Variants in HDAC9 observed in about 807,000 individuals in gnomAD.
HDAC9 encodes the protein MEF-2 interacting transcription repressor (MITR) protein.
A neutral mutation model predicts 139.4 loss-of-function variants in HDAC9; 41 were observed. The observed-to-expected ratio is 0.29, with a 90% CI of 0.23 to 0.38. HDAC9 has a LOEUF of 0.38. Ranked by LOEUF, HDAC9 falls within the 10% of genes least tolerant of loss-of-function variation. The pLI is 1.00. For missense variants in HDAC9, 1,147 were observed against 1,297.0 expected (o/e 0.88, Z 1.78); for synonymous variants, 517 against 476.2 (o/e 1.09, Z -1.12).
intron 1 of HDAC9, among the ~76,000 whole-genome samples, chr7:18,485,468 A>AT (rs961655363): frequency 4.0e-5 from 6 of 149,782 alleles, no homozygotes; most frequent in African/African-American, 1.5e-4. Context: ...ATATATATTT[A>AT]TTTTTTCTTT....
intron 23 of HDAC9, among the ~76,000 whole-genome samples, chr7:18,942,656 C>G (rs1056398142): frequency 2.0e-5 from 3 of 152,030 alleles, no homozygotes; most frequent in Non-Finnish European, 4.4e-5. Context: ...AAATTATACT[C>G]TAACCACAAT....
intron 1 of HDAC9, among the ~76,000 whole-genome samples, chr7:18,137,668 G>T (rs1017197829): frequency 8.0e-4 from 121 of 151,182 alleles, no homozygotes; most frequent in Admixed American, 1.7e-3. Context: ...CTTGATCATG[G>T]TGGATAAGCT....
intron 1 of HDAC9, among the ~76,000 whole-genome samples, chr7:18,130,378 C>T (rs775740029): frequency 2.6e-5 from 4 of 152,206 alleles, no homozygotes; most frequent in African/African-American, 4.8e-5. Context: ...GCATGAGGGA[C>T]GGTGATGCTG....
chr7:18,246,472 A>G (rs550087394), intron 2 of HDAC9, among the ~76,000 whole-genome samples: 1 of 152,104 alleles, frequency 6.6e-6, no homozygotes, highest in South Asian at 2.1e-4. Flanking sequence ...CATTTTTATC[A>G]CCCCAAAGGA....
chr7:18,970,942 G>C (rs1419424198), intron 24 of HDAC9, among the ~76,000 whole-genome samples: 1 of 152,128 alleles, frequency 6.6e-6, no homozygotes, highest in Non-Finnish European at 1.5e-5. Flanking sequence ...TGGTAGATAG[G>C]TGACTTGTGT....
intron 2 of HDAC9, among the ~76,000 whole-genome samples, chr7:18,170,594 T>C (rs1188306791): frequency 2.0e-5 from 3 of 152,202 alleles, no homozygotes; most frequent in Non-Finnish European, 4.4e-5. Flanking sequence ...AACATTTAAG[T>C]CTTTAATCCA....
At chr7:18,699,770 T>A (rs212668) in intron 12 of HDAC9, among the ~76,000 whole-genome samples, 1 of 152,104 alleles carries the variant, frequency 6.6e-6, no homozygotes, top group Non-Finnish European at 1.5e-5. Flanking sequence ...GTATTTTATA[T>A]GCATTTTAAT....
At position 19,001,394 on chromosome 7, in the gene HDAC9, G is replaced by C. The variant is rs1419420798; in HGVS notation, c.*5332G>C. ...TGCAATATTAAATATAATAGGGAGA[G>C]TTCACTGTTTCCTGGGACATTGTGG... On this transcript the variant is annotated 3_prime_UTR_variant, in exon 26 of 26. Coordinates refer to ENST00000686413, the MANE Select transcript of HDAC9 (RefSeq NM_178425.4). The C allele has an allele frequency of 1.3e-5, 2 of 152,036 alleles. No homozygotes were observed. Among genetic ancestry groups the C allele is most frequent in the Non-Finnish European group, 2.9e-5 (2 of 67,962 alleles). The allele number at this position is 152,036 out of a possible 1,614,324, so 9.4% of individuals were successfully genotyped here.
At chr7:18,581,693 A>G (rs1014171758) in intron 2 of HDAC9, among the ~76,000 whole-genome samples, 3 of 152,150 alleles carry the variant, frequency 2.0e-5, no homozygotes, top group Admixed American at 6.5e-5. Context: ...GAAATATATC[A>G]TTAACTGCCA....
At chr7:18,562,275 T>C (rs916822036) in intron 2 of HDAC9, among the ~76,000 whole-genome samples, 1 of 152,194 alleles carries the variant, frequency 6.6e-6, no homozygotes, top group Non-Finnish European at 1.5e-5. Flanking sequence ...ATTCTGTGGA[T>C]TGATGGTATT....
At chr7:18,345,850 G>A (rs866024360) in intron 1 of HDAC9, among the ~76,000 whole-genome samples, 1 of 151,680 alleles carries the variant, frequency 6.6e-6, no homozygotes, top group African/African-American at 2.4e-5. Context: ...TACTCCCCCT[G>A]CTGGCCTCTG....
intron 1 of HDAC9, among the ~76,000 whole-genome samples, chr7:18,135,572 G>A (rs905777732): frequency 1.5e-5 from 2 of 130,770 alleles, no homozygotes; most frequent in African/African-American, 6.1e-5. Flanking sequence ...TTGTTCTTGC[G>A]ATAGTTTACT....
At chr7:18,196,412 A>G (rs1433010747) in intron 2 of HDAC9, among the ~76,000 whole-genome samples, 3 of 152,192 alleles carry the variant, frequency 2.0e-5, no homozygotes, top group Non-Finnish European at 4.4e-5. Context: ...ACCTGGGCAA[A>G]TGGATGAGAT....
chr7:18,420,588 C>G (rs1022711339), intron 1 of HDAC9, among the ~76,000 whole-genome samples: 14 of 152,170 alleles, frequency 9.2e-5, no homozygotes, highest in Non-Finnish European at 1.6e-4. Flanking sequence ...TGAAAGCATA[C>G]ATTCATTTAC....
chr7:18,435,680 A>G (rs1024710934), intron 1 of HDAC9, among the ~76,000 whole-genome samples: 1 of 151,300 alleles, frequency 6.6e-6, no homozygotes, highest in Non-Finnish European at 1.5e-5. Context: ...TGTACAGATT[A>G]TTTAGAATCA....
intron 21 of HDAC9, among the ~76,000 whole-genome samples, chr7:18,868,197 C>T (rs1197159644): frequency 6.6e-6 from 1 of 152,014 alleles, no homozygotes; most frequent in African/African-American, 2.4e-5. Context: ...TAGCTAGTAC[C>T]AGCTTTCCCT....
chr7:18,841,220 C>G (rs1796560986), intron 21 of HDAC9, among the ~76,000 whole-genome samples: 1 of 151,926 alleles, frequency 6.6e-6, no homozygotes, highest in Non-Finnish European at 1.5e-5. Flanking sequence ...TTTCTAAATT[C>G]TATTTAAGAG....
chr7:18,102,457 A>G (rs1782913228), intron 1 of HDAC9, among the ~76,000 whole-genome samples: 1 of 152,216 alleles, frequency 6.6e-6, no homozygotes, highest in South Asian at 2.1e-4. Flanking sequence ...CCATGAAGCC[A>G]AAATTGTGGC....
intron 6 of HDAC9, among the ~76,000 whole-genome samples, chr7:18,608,893 G>A (rs933481979): frequency 1.3e-5 from 2 of 152,062 alleles, no homozygotes; most frequent in Non-Finnish European, 2.9e-5. Context: ...TTGAACCACC[G>A]TACTTCTTGA....
Sources: gnomAD v4.1 joint callset for allele counts (sites outside exome capture counted in the v4.1 genomes callset) on GRCh38, gnomAD v4.1.1 for gene constraint, MANE v1.5 for transcripts, NCBI Gene and HGNC (gene_info 2026-07-23, HGNC 2026-07-21) for gene names.